Variants in EPN2 observed in about 807,000 individuals in gnomAD.
EPN2 encodes epsin 2, also known as epsin-2.
Under a neutral mutation model 61.7 loss-of-function variants are expected in EPN2, and 34 were observed. The observed-to-expected ratio is 0.55, with a 90% confidence interval of 0.42 to 0.73. The LOEUF (loss-of-function observed/expected upper bound fraction) is 0.73, where lower values mean the gene tolerates loss of function less well. EPN2 is among the 30% of genes least tolerant of loss of function. EPN2 has a pLI of 0.00. For missense variants in EPN2, 714 were observed against 839.2 expected (o/e 0.85, Z 1.84); for synonymous variants, 349 against 353.6 (o/e 0.99, Z 0.15).
intron 9 of EPN2, among the ~76,000 whole-genome samples, chr17:19,330,359 C>T (rs985556762): frequency 6.6e-6 from 1 of 152,126 alleles, no homozygotes; most frequent in Admixed American, 6.5e-5. Flanking sequence ...TCCCTACCAC[C>T]TCTATCCCAG....
chr17:19,332,286 T>A (rs1474510181), intron 10 of EPN2, among the ~76,000 whole-genome samples: 1 of 152,004 alleles, frequency 6.6e-6, no homozygotes, highest in Non-Finnish European at 1.5e-5. Context: ...ATAGCTCCTC[T>A]CCTCTCAGTT....
At chr17:19,288,150 C>T (rs1438506808) in intron 4 of EPN2, among the ~76,000 whole-genome samples, 1 of 152,224 alleles carries the variant, frequency 6.6e-6, no homozygotes, top group East Asian at 1.9e-4. Context: ...GTCCCCTGCC[C>T]TCAGTCTGGG....
At chr17:19,276,918 C>T (rs550462054) in intron 1 of EPN2, among the ~76,000 whole-genome samples, 1 of 151,930 alleles carries the variant, frequency 6.6e-6, no homozygotes, top group African/African-American at 2.4e-5. Context: ...GTGAGCTGAT[C>T]ACACACTTCC....
At chr17:19,292,377 C>A (rs1044898651) in intron 4 of EPN2, among the ~76,000 whole-genome samples, 3 of 152,136 alleles carry the variant, frequency 2.0e-5, no homozygotes, top group African/African-American at 7.2e-5. Flanking sequence ...TGGGGATGGA[C>A]CAGGAATTTG....
chr17:19,280,872 C>G (rs1172917285), intron 1 of EPN2, among the ~76,000 whole-genome samples: 5 of 152,206 alleles, frequency 3.3e-5, no homozygotes, highest in Non-Finnish European at 5.9e-5. Flanking sequence ...CAGTGCAAGT[C>G]CACGCCTCTG....
intron 1 of EPN2, among the ~76,000 whole-genome samples, chr17:19,245,914 C>G (rs1025020218): frequency 1.3e-5 from 2 of 152,100 alleles, no homozygotes; most frequent in African/African-American, 4.8e-5. Flanking sequence ...ATCTGCCCGC[C>G]TCGGCCTCTC....
At chr17:19,305,015 C>G (rs1905761114) in intron 4 of EPN2, among the ~76,000 whole-genome samples, 1 of 152,222 alleles carries the variant, frequency 6.6e-6, no homozygotes, top group South Asian at 2.1e-4. Context: ...TCCACAGGGT[C>G]TGTGACGCTC....
intron 1 of EPN2, among the ~76,000 whole-genome samples, chr17:19,256,582 A>G (rs2045082263): frequency 6.6e-6 from 1 of 152,096 alleles, no homozygotes; most frequent in Admixed American, 6.6e-5. Flanking sequence ...GGCCAGTGGT[A>G]TGAGCTCAGA....
At chr17:19,245,684 T>C (rs1380727633) in intron 1 of EPN2, among the ~76,000 whole-genome samples, 1 of 150,020 alleles carries the variant, frequency 6.7e-6, no homozygotes, top group Non-Finnish European at 1.5e-5. Flanking sequence ...TTTTTAAAGA[T>C]GGAGTTTTGC....
chr17:19,259,592 A>T (rs528490617), intron 1 of EPN2, among the ~76,000 whole-genome samples: 4 of 152,282 alleles, frequency 2.6e-5, no homozygotes, highest in African/African-American at 9.6e-5. Context: ...GTTTACAGGC[A>T]TGAGCCACAG....
intron 4 of EPN2, among the ~76,000 whole-genome samples, chr17:19,300,427 CTTTTTT>C (rs72338416): frequency 1.8e-5 from 2 of 108,932 alleles, no homozygotes; most frequent in African/African-American, 6.9e-5. Context: ...AACTGTAAAT[CTTTTTT>C]TTTTTTTTTT....
In EPN2 at chr17:19,273,534, A is replaced by AG. The variant is rs1175474388; in HGVS notation, c.-293-8421_-293-8420insG. On this transcript the variant is annotated intron_variant, in intron 1 of 10. Coordinates refer to ENST00000314728, the MANE Select transcript of EPN2 (RefSeq NM_014964.5). Reference sequence around the variant, plus strand: ...TGATAAATTTTTTATTAAAAAAAAAACTATTCATTTTTATAGACAGGGTCT... The same window carrying AG: ...TGATAAATTTTTTATTAAAAAAAAAAGCTATTCATTTTTATAGACAGGGTCT... Among the ~76,000 whole-genome samples, 17 of 152,212 alleles carry AG rather than the reference A, an allele frequency of 1.1e-4. No homozygotes were observed. In the East Asian group the frequency reaches 3.3e-3, roughly 29 times the overall value.
chr17:19,327,087 C>T (rs1906914523), intron 7 of EPN2, among the ~76,000 whole-genome samples: 1 of 152,148 alleles, frequency 6.6e-6, no homozygotes, highest in Non-Finnish European at 1.5e-5. Flanking sequence ...GACTGGCACC[C>T]ACTGCTGGAT....
intron 7 of EPN2, among the ~76,000 whole-genome samples, chr17:19,326,616 G>A (rs1268229123): frequency 1.4e-5 from 2 of 145,044 alleles, no homozygotes; most frequent in Non-Finnish European, 1.5e-5. Context: ...GAATCTGGGA[G>A]GTGGAGCTTG....
At chr17:19,324,375 C>G (rs1906771341) in intron 7 of EPN2, among the ~76,000 whole-genome samples, 1 of 152,060 alleles carries the variant, frequency 6.6e-6, no homozygotes, top group African/African-American at 2.4e-5. Flanking sequence ...TTCTTGTTGC[C>G]CAGGCTGGAG....
intron 10 of EPN2, among the ~76,000 whole-genome samples, chr17:19,333,097 C>T (rs1907239141): frequency 1.3e-5 from 2 of 152,160 alleles, no homozygotes; most frequent in Non-Finnish European, 2.9e-5. Context: ...GGAGGTGGTT[C>T]CCTGGGTGGA....
At chr17:19,291,598 C>T (rs1034144467) in intron 4 of EPN2, among the ~76,000 whole-genome samples, 18 of 152,056 alleles carry the variant, frequency 1.2e-4, no homozygotes, top group East Asian at 1.9e-4. Flanking sequence ...CCACTGCGCC[C>T]GGCTAATTTT....
chr17:19,250,550 C>T (rs1449779556), intron 1 of EPN2, among the ~76,000 whole-genome samples: 2 of 152,182 alleles, frequency 1.3e-5, no homozygotes, highest in Non-Finnish European at 2.9e-5. Flanking sequence ...TACATAGCCT[C>T]CTAGTCTTGC....
At chr17:19,250,603 T>C (rs2045004399) in intron 1 of EPN2, among the ~76,000 whole-genome samples, 1 of 152,186 alleles carries the variant, frequency 6.6e-6, no homozygotes, top group Non-Finnish European at 1.5e-5. Context: ...CTGGGGCCTG[T>C]ACTGTTGCCT....
Sources: allele counts gnomAD v4.1 joint callset (sites outside exome capture counted in the v4.1 genomes callset), GRCh38; gene constraint gnomAD v4.1.1; transcripts MANE v1.5; gene names NCBI Gene and HGNC (gene_info 2026-07-23, HGNC 2026-07-21).